Variants in C5 observed in about 807,000 individuals in gnomAD.
C5 encodes the protein C3 and PZP-like alpha-2-macroglobulin domain-containing protein 4.
C5 carries 140 observed loss-of-function variants against 218.8 expected under a neutral mutation model. That is an observed-to-expected ratio of 0.64 (90% CI 0.56 to 0.74). The LOEUF is 0.74. C5 is among the 30% of genes least tolerant of loss of function. C5 has a pLI of 0.00. For synonymous variants in C5, 614 were observed against 682.3 expected (o/e 0.90, Z 1.56); for missense variants, 1,700 against 1,969.6 (o/e 0.86, Z 2.59).
At chr9:121,041,150 G>T (rs967456485) in intron 3 of C5, among the ~76,000 whole-genome samples, 9 of 151,628 alleles carry the variant, frequency 5.9e-5, no homozygotes, top group African/African-American at 2.2e-4. Context: ...CACCATGTTG[G>T]TCAGGCTGGT....
intron 4 of C5, among the ~76,000 whole-genome samples, chr9:121,037,664 T>A (rs2047539607): frequency 6.6e-6 from 1 of 152,164 alleles, no homozygotes; most frequent in South Asian, 2.1e-4. Context: ...ATGGTTTAGC[T>A]CAAAATCCTT....
rs201460198 is a variant in C5, at chr9:121,018,742, A to AAAGAAAGAAAGGAAGG, written c.1507-891_1507-890insCCTTCCTTTCTTTCTT. On this transcript the variant is annotated intron_variant, in intron 12 of 40. Transcript: ENST00000223642. ...GAAAGAAAGAAGGAAGGAAGGAAGG[A>AAAGAAAGAAAGGAAGG]AAGGAAGGAAGGAAGGAAGGAAGGA... Among the ~76,000 whole-genome samples, 330 of 99,210 alleles carry AAAGAAAGAAAGGAAGG rather than the reference A, an allele frequency of 3.3e-3. 14 individuals are homozygous for AAAGAAAGAAAGGAAGG. Among genetic ancestry groups the AAAGAAAGAAAGGAAGG allele is most frequent in the African/African-American group, 0.012 (285 of 23,110 alleles). 65.1% of individuals were successfully genotyped at this position (99,210 alleles called of 152,430 possible).
At chr9:120,992,113 C>T (rs2047080909) in intron 22 of C5, among the ~76,000 whole-genome samples, 1 of 152,210 alleles carries the variant, frequency 6.6e-6, no homozygotes, top group Non-Finnish European at 1.5e-5. Context: ...ATTTCTCATT[C>T]CAGCTGTAGT....
Position 120,957,128 on chromosome 9 carries a change from T to C in C5, c.4762+157A>G, listed in dbSNP as rs2046791052. On this transcript the variant is annotated intron_variant, in intron 39 of 40. Coordinates refer to ENST00000223642, the MANE Select transcript of C5 (RefSeq NM_001735.3). ...ATGAGAAATATTTATACGAACATCT[T>C]TAAAAAATGTTTCTCCCCAAGTAGA... 1.3e-5 allele frequency: 8 copies of C among 601,340 alleles called. No homozygotes were observed. In the South Asian group the frequency reaches 1.4e-4, roughly 11 times the overall value. The allele number at this position is 601,340 out of a possible 1,614,324, so 37.3% of individuals were successfully genotyped here.
the C5 span, among the ~76,000 whole-genome samples, chr9:121,069,923 A>C: frequency 2.0e-5 from 3 of 152,226 alleles, no homozygotes; most frequent in Non-Finnish European, 4.4e-5. Flanking sequence ...CATATGATCC[A>C]GCAATCCTAC....
At chr9:121,002,637 A>C (rs983996521) in intron 20 of C5, among the ~76,000 whole-genome samples, 9 of 152,144 alleles carry the variant, frequency 5.9e-5, no homozygotes, top group Admixed American at 5.9e-4. Context: ...TCAGTTTCCA[A>C]GCCTCAAGCC....
At chr9:121,004,069 C>G (rs2047194905) in intron 20 of C5, among the ~76,000 whole-genome samples, 1 of 152,096 alleles carries the variant, frequency 6.6e-6, no homozygotes, top group Non-Finnish European at 1.5e-5. Flanking sequence ...TGGGGTTTCA[C>G]CGTGTTTGCC....
At chr9:121,070,364 AGAAG>A in the C5 span, among the ~76,000 whole-genome samples, 2 of 140,626 alleles carry the variant, frequency 1.4e-5, no homozygotes, top group Admixed American at 7.2e-5. Context: ...AAAGAAAGAA[AGAAG>A]GAAGGAAGGA....
chr9:121,029,186 T>C (rs544935169), intron 7 of C5, among the ~76,000 whole-genome samples: 2 of 152,364 alleles, frequency 1.3e-5, no homozygotes, highest in East Asian at 3.9e-4. Context: ...CTTTCCTTAT[T>C]TATGGTTTGA....
chr9:120,963,049 A>C, intron 34 of C5, 82 bp from the exon 35 acceptor site: 1 of 1,030,210 alleles, frequency 9.7e-7, no homozygotes, highest in Non-Finnish European at 1.5e-6. Flanking sequence ...GAGATAGCAC[A>C]ATGCAGGGAT....
intron 37 of C5, among the ~76,000 whole-genome samples, chr9:120,961,201 A>C (rs41312915): frequency 3.3e-3 from 510 of 152,314 alleles, no homozygotes; most frequent in African/African-American, 0.011. Context: ...TAAAAAGACT[A>C]GGTGAAAGTA....
chr9:120,980,942 C>T (rs1190855681), intron 27 of C5, among the ~76,000 whole-genome samples: 1 of 152,132 alleles, frequency 6.6e-6, no homozygotes, highest in Non-Finnish European at 1.5e-5. Flanking sequence ...TTGCAACAGG[C>T]ACACAGGTTC....
rs369172301 is a variant in C5, at chr9:120,963,015, G to A, written c.4324-48C>T. On this transcript the variant is annotated intron_variant, in intron 34 of 40. Transcript: ENST00000223642. ...TTGAATTTCATTTCATTATCTTTTT[G>A]TTTAAATGCATTCACCTGTTGATGA... The A allele has an allele frequency of 2.6e-5, 37 of 1,409,746 alleles. No homozygotes were observed. The African/African-American group carries it at 3.9e-4, about 15-fold the overall frequency. 87.3% of individuals were successfully genotyped at this position (1,409,746 alleles called of 1,614,324 possible).
intron 2 of C5, among the ~76,000 whole-genome samples, chr9:121,043,653 C>T (rs1057021177): frequency 1.3e-5 from 2 of 151,998 alleles, no homozygotes; most frequent in African/African-American, 4.8e-5. Flanking sequence ...CTGCCTCAGC[C>T]TCCCAAGTAG....
rs770450935 is a variant in C5, at chr9:121,017,832, A to T, written c.1527T>A (p.Ile509=). 3 of 1,612,868 alleles carry T rather than the reference A, an allele frequency of 1.9e-6. No homozygotes were observed. In the South Asian group the frequency reaches 3.3e-5, roughly 18 times the overall value. ...YNYLILSKGK[I]IHFGTREKFS... ...ATTTCTCCCTCGTGCCAAAGTGGAT[A>T]ATTTTGCCCTTGGATAAAATCTAAA... The change falls in exon 13 of 41, where the codon ATT becomes ATA. Residue 509 remains isoleucine, a synonymous_variant. Coordinates refer to ENST00000223642, the MANE Select transcript of C5 (RefSeq NM_001735.3).
At chr9:120,997,496 C>G in intron 21 of C5, 51 bp downstream of exon 21, 9 of 1,302,324 alleles carry the variant, frequency 6.9e-6, no homozygotes, top group Non-Finnish European at 3.3e-6. Context: ...CTTTCTGTGT[C>G]TCTCTTTTGC....
At position 120,972,005 on chromosome 9, in the gene C5, TAGAG is replaced by T. The variant is rs1564135427; in HGVS notation, c.4018-17_4018-14del. 1.1e-5 allele frequency: 17 copies of T among 1,597,108 alleles called. No individual in the cohort carries two copies. Among genetic ancestry groups the T allele is most frequent in the Non-Finnish European group, 1.4e-5 (17 of 1,175,356 alleles). On this transcript the variant is annotated splice_polypyrimidine_tract_variant and intron_variant, in intron 30 of 40. Coordinates refer to ENST00000223642, the MANE Select transcript of C5 (RefSeq NM_001735.3). ...CATTGAGAAGCACCTGGAAAGATAA[TAGAG>T]AAACAAACCATGCTTTCTTTCATCA...
At chr9:121,060,491 T>C in the C5 span, among the ~76,000 whole-genome samples, 1 of 152,202 alleles carries the variant, frequency 6.6e-6, no homozygotes. Context: ...CTTTCTAGGA[T>C]TACTGTTTCT....
chr9:120,963,836 G>A, intron 33 of C5, 98 bp from the exon 34 acceptor site: 2 of 895,148 alleles, frequency 2.2e-6, no homozygotes, highest in Non-Finnish European at 3.5e-6. Context: ...TTTAAATTTG[G>A]GTCTCCATTT....
Sources: allele counts gnomAD v4.1 joint callset (sites outside exome capture counted in the v4.1 genomes callset), GRCh38; gene constraint gnomAD v4.1.1; transcripts MANE v1.5; gene names NCBI Gene and HGNC (gene_info 2026-07-23, HGNC 2026-07-21).